Variants in DLGAP2 observed in about 807,000 individuals in gnomAD.
DLGAP2 encodes the protein DLG associated protein 2.
A neutral mutation model predicts 100.3 loss-of-function variants in DLGAP2; 26 were observed. The observed-to-expected ratio is 0.26, with a 90% CI of 0.19 to 0.36. DLGAP2 has a LOEUF of 0.36. Ranked by LOEUF, DLGAP2 falls within the 10% of genes least tolerant of loss-of-function variation. The pLI, the probability that DLGAP2 is intolerant of heterozygous loss-of-function variation, is 1.00. For synonymous variants in DLGAP2, 886 were observed against 630.1 expected (o/e 1.41, Z -6.08); for missense variants, 1,858 against 1,453.2 (o/e 1.28, Z -4.53).
At chr8:1,665,819 C>T (rs918564539) in intron 8 of DLGAP2, among the ~76,000 whole-genome samples, 2 of 152,230 alleles carry the variant, frequency 1.3e-5, no homozygotes, top group Non-Finnish European at 2.9e-5. Flanking sequence ...GTAAATGACC[C>T]ATGACAAATG....
intron 1 of DLGAP2, among the ~76,000 whole-genome samples, chr8:863,635 C>T (rs190279386): frequency 2.0e-5 from 3 of 152,110 alleles, no homozygotes; most frequent in Non-Finnish European, 2.9e-5. Flanking sequence ...TCCTCAGCAC[C>T]GCGGATCATC....
intron 3 of DLGAP2, among the ~76,000 whole-genome samples, chr8:1,346,001 C>G (rs1269479100): frequency 6.6e-6 from 1 of 152,236 alleles, no homozygotes; most frequent in African/African-American, 2.4e-5. Context: ...CTGGCACCAG[C>G]TCCTGTGTCC....
intron 2 of DLGAP2, among the ~76,000 whole-genome samples, chr8:965,656 A>G (rs1254806450): frequency 7.5e-6 from 1 of 133,010 alleles, no homozygotes; most frequent in African/African-American, 3.1e-5. Context: ...AGGGCTCCTG[A>G]GTCTGACCCC....
rs371842482 is a variant in DLGAP2, at chr8:1,565,784, C to T, written c.1332C>T (p.Asp444=). ...GGAGTTACATTAAAGCCATGGGGGA[C>T]GAGGAGAGCGGAGAGTCAGACTCCA... The part of the protein sequence containing the change: ...RSGSYIKAMG[D]EESGESDSSP... The change falls in exon 6 of 15, where the codon GAC becomes GAT. Residue 444 remains aspartate, a synonymous_variant. Coordinates refer to ENST00000637795, the MANE Select transcript of DLGAP2 (RefSeq NM_001346810.2). 1.6e-5 allele frequency: 26 copies of T among 1,613,654 alleles called. 1 individual carries two copies. The Admixed American group carries it at 1.7e-4, about 10-fold the overall frequency.
chr8:1,452,786 A>C (rs1798198112), intron 3 of DLGAP2, among the ~76,000 whole-genome samples: 1 of 151,934 alleles, frequency 6.6e-6, no homozygotes, highest in South Asian at 2.1e-4. Flanking sequence ...ATCTCTGGGG[A>C]CCCGAGCTTC....
At chr8:1,525,345 T>C (rs560778706) in intron 4 of DLGAP2, among the ~76,000 whole-genome samples, 1 of 152,326 alleles carries the variant, frequency 6.6e-6, no homozygotes, top group African/African-American at 2.4e-5. Context: ...TTAATGGCTT[T>C]TTATTTTAGT....
chr8:853,598 A>G (rs896801522), intron 1 of DLGAP2, among the ~76,000 whole-genome samples: 1 of 152,184 alleles, frequency 6.6e-6, no homozygotes, highest in Admixed American at 6.5e-5. Context: ...ACCCCCCACG[A>G]CATCCAAGTT....
chr8:1,416,556 C>T (rs758141580), intron 3 of DLGAP2, among the ~76,000 whole-genome samples: 15 of 152,188 alleles, frequency 9.9e-5, no homozygotes, highest in Non-Finnish European at 2.1e-4. Context: ...TGAACCAGAA[C>T]CCCTCTGCCT....
At chr8:1,195,258 C>T (rs1797726767) in intron 2 of DLGAP2, among the ~76,000 whole-genome samples, 1 of 152,216 alleles carries the variant, frequency 6.6e-6, no homozygotes. Context: ...AGTTCTGCCT[C>T]CCGCTGGCCA....
chr8:1,351,794 GAAAGGACGTGCGC>G (rs1801733914), intron 3 of DLGAP2, among the ~76,000 whole-genome samples: 2 of 86,164 alleles, frequency 2.3e-5, no homozygotes, highest in East Asian at 5.1e-4. Context: ...ACTGTGTGTG[GAAAGGACGTGCGC>G]GTCCTGCGTG....
At chr8:1,413,815 C>T (rs1489782876) in intron 3 of DLGAP2, among the ~76,000 whole-genome samples, 1 of 152,236 alleles carries the variant, frequency 6.6e-6, no homozygotes, top group East Asian at 1.9e-4. Flanking sequence ...CACACGCCTG[C>T]CAGGTGGGCC....
At chr8:1,194,132 G>A (rs1475632089) in intron 2 of DLGAP2, among the ~76,000 whole-genome samples, 1 of 152,036 alleles carries the variant, frequency 6.6e-6, no homozygotes, top group Admixed American at 6.6e-5. Context: ...GATAAAGTGA[G>A]TAAGACACAG....
intron 3 of DLGAP2, among the ~76,000 whole-genome samples, chr8:1,353,949 C>T (rs1801791553): frequency 6.6e-6 from 1 of 152,182 alleles, no homozygotes; most frequent in Non-Finnish European, 1.5e-5. Flanking sequence ...TTTCCAGCGT[C>T]ACTAGCTATG....
chr8:1,461,154 G>A (rs1403557839), intron 3 of DLGAP2, among the ~76,000 whole-genome samples: 2 of 150,624 alleles, frequency 1.3e-5, no homozygotes, highest in African/African-American at 4.9e-5. Flanking sequence ...GAGAAGGGCG[G>A]CATTTGGGTT....
chr8:781,304 A>C (rs1213162921), intron 1 of DLGAP2, among the ~76,000 whole-genome samples: 1 of 152,144 alleles, frequency 6.6e-6, no homozygotes, highest in Non-Finnish European at 1.5e-5. Flanking sequence ...TATTTAAATG[A>C]CGTTAAGTTT....
At chr8:1,420,881 T>C (rs1767046206) in intron 3 of DLGAP2, among the ~76,000 whole-genome samples, 1 of 152,230 alleles carries the variant, frequency 6.6e-6, no homozygotes, top group African/African-American at 2.4e-5. Flanking sequence ...GGTGTCTTCG[T>C]TGCCTGGGCT....
chr8:1,279,485 G>T (rs1799772733), intron 3 of DLGAP2, among the ~76,000 whole-genome samples: 1 of 152,238 alleles, frequency 6.6e-6, no homozygotes, highest in Non-Finnish European at 1.5e-5. Flanking sequence ...TACCAAGAAG[G>T]TGCTGCGGAG....
chr8:877,116 C>G (rs1436046288), intron 1 of DLGAP2, among the ~76,000 whole-genome samples: 4 of 151,818 alleles, frequency 2.6e-5, no homozygotes, highest in African/African-American at 7.3e-5. Context: ...TCTAATAAAC[C>G]TGGCCTCTGG....
intron 7 of DLGAP2, 70 bp downstream of exon 7, chr8:1,626,957 C>A: frequency 6.6e-7 from 1 of 1,518,084 alleles, no homozygotes; most frequent in South Asian, 1.2e-5. Flanking sequence ...AGGCCCCGGC[C>A]GCATAGGTGG....
Sources: allele counts gnomAD v4.1 joint callset (sites outside exome capture counted in the v4.1 genomes callset), GRCh38; gene constraint gnomAD v4.1.1; transcripts MANE v1.5; gene names NCBI Gene and HGNC (gene_info 2026-07-23, HGNC 2026-07-21).